Variants in PCDH11Y observed in about 807,000 individuals in gnomAD.
PCDH11Y encodes the protein protocadherin 11 Y-linked, also known as protocadherin-11 Y-linked.
For missense variants in PCDH11Y, 12 were observed against 224.8 expected (o/e 0.05, Z 6.05); for synonymous variants, 9 against 83.6 (o/e 0.11, Z 4.87).
downstream of PCDH11Y, among the ~76,000 whole-genome samples, chrY:5,108,818 G>C (rs2052800004): frequency 3.6e-5 from 1 of 28,129 alleles, no homozygotes; most frequent in Non-Finnish European, 8.4e-5. Context: ...ATTTTTAGAA[G>C]TTGAGTTTAT....
chrY:5,443,989 G>A, intron 2 of PCDH11Y, among the ~76,000 whole-genome samples: 2 of 32,793 alleles, frequency 6.1e-5, no homozygotes, highest in Non-Finnish European at 1.5e-4. Flanking sequence ...GGGGAAGTAA[G>A]GATGGTTAAT....
At chrY:5,164,321 G>A in intron 2 of PCDH11Y, among the ~76,000 whole-genome samples, 1 of 32,027 alleles carries the variant, frequency 3.1e-5, no homozygotes, top group Non-Finnish European at 7.7e-5. Flanking sequence ...GAGCCACTGC[G>A]CCTGGTCAGA....
intron 1 of PCDH11Y, among the ~76,000 whole-genome samples, chrY:5,080,662 G>A: frequency 9.6e-5 from 3 of 31,245 alleles, no homozygotes; most frequent in Admixed American, 2.9e-4. Context: ...TTTTCTGGTC[G>A]CATGTATATC....
At chrY:5,119,858 T>C in intron 2 of PCDH11Y, among the ~76,000 whole-genome samples, 2 of 31,828 alleles carry the variant, frequency 6.3e-5, no homozygotes, top group East Asian at 1.6e-3. Flanking sequence ...GTTCATCATT[T>C]ATTTAGGAAG....
chrY:5,563,467 C>T, intron 3 of PCDH11Y, among the ~76,000 whole-genome samples: 2 of 32,907 alleles, frequency 6.1e-5, no homozygotes, highest in African/African-American at 2.4e-4. Flanking sequence ...ATCAATATTG[C>T]ATATATTGAA....
intron 2 of PCDH11Y, among the ~76,000 whole-genome samples, chrY:5,369,981 C>T: frequency 3.0e-5 from 1 of 33,058 alleles, no homozygotes; most frequent in East Asian, 8.0e-4. Context: ...GGTTAATAGG[C>T]TTGTCTTTCA....
chrY:5,353,757 T>C, intron 2 of PCDH11Y, among the ~76,000 whole-genome samples: 1 of 32,353 alleles, frequency 3.1e-5, no homozygotes, highest in Admixed American at 2.9e-4. Flanking sequence ...CCCAGCACTT[T>C]GGGAGGCCGA....
chrY:5,244,768 G>C, intron 2 of PCDH11Y, among the ~76,000 whole-genome samples: 1 of 34,172 alleles, frequency 2.9e-5, no homozygotes, highest in South Asian at 6.5e-4. Context: ...CATCACAGCT[G>C]CTGCTGTCTG....
chrY:5,457,779 T>C, intron 2 of PCDH11Y, among the ~76,000 whole-genome samples: 1 of 33,521 alleles, frequency 3.0e-5, no homozygotes, highest in African/African-American at 1.2e-4. Flanking sequence ...AATTATCTAG[T>C]GGAAATTTTC....
At chrY:5,128,263 T>C in intron 2 of PCDH11Y, among the ~76,000 whole-genome samples, 1 of 33,893 alleles carries the variant, frequency 3.0e-5, no homozygotes, top group Non-Finnish European at 7.3e-5. Context: ...ACTAAAGATA[T>C]GTAGAGGTAA....
intron 4 of PCDH11Y, among the ~76,000 whole-genome samples, chrY:5,656,440 AT>A (rs1219341715): frequency 3.4e-3 from 83 of 24,130 alleles, no homozygotes; most frequent in African/African-American, 9.6e-3. Flanking sequence ...CCGTTTGTCC[AT>A]TTTTTTTTTT....
intron 2 of PCDH11Y, among the ~76,000 whole-genome samples, chrY:5,228,126 T>C: frequency 4.1e-5 from 1 of 24,536 alleles, no homozygotes; most frequent in African/African-American, 1.6e-4. Flanking sequence ...ATTGATCTGT[T>C]CAGATTTTGG....
At chrY:5,640,912 T>A in intron 4 of PCDH11Y, among the ~76,000 whole-genome samples, 1 of 31,269 alleles carries the variant, frequency 3.2e-5, no homozygotes, top group Non-Finnish European at 7.8e-5. Flanking sequence ...TATGGCTGCT[T>A]CATCTACATT....
chrY:5,115,386 T>C, intron 2 of PCDH11Y, among the ~76,000 whole-genome samples: 1 of 30,838 alleles, frequency 3.2e-5, no homozygotes, highest in Non-Finnish European at 7.6e-5. Flanking sequence ...ACGACTATGG[T>C]TTGGATGTGT....
chrY:5,547,718 T>C, intron 3 of PCDH11Y, among the ~76,000 whole-genome samples: 7 of 32,543 alleles, frequency 2.2e-4, no homozygotes. Flanking sequence ...ACTGGTCACC[T>C]AGGTCGGAGT....
intron 2 of PCDH11Y, among the ~76,000 whole-genome samples, chrY:5,115,476 C>G (rs2052808107): frequency 3.2e-5 from 1 of 30,980 alleles, no homozygotes; most frequent in Admixed American, 3.1e-4. Flanking sequence ...TCTCTCCGCC[C>G]CTCTGCTGAA....
At chrY:5,238,072 C>G in intron 2 of PCDH11Y, among the ~76,000 whole-genome samples, 1 of 33,243 alleles carries the variant, frequency 3.0e-5, no homozygotes, top group East Asian at 8.1e-4. Context: ...GAAAAAACTA[C>G]TTTAAAGTTC....
intron 2 of PCDH11Y, among the ~76,000 whole-genome samples, chrY:5,147,839 T>C (rs2052859271): frequency 3.0e-5 from 1 of 32,950 alleles, no homozygotes; most frequent in African/African-American, 1.2e-4. Flanking sequence ...AGGGCTGTAA[T>C]CCAAGGAATG....
chrY:5,724,115 T>G, intron 4 of PCDH11Y, among the ~76,000 whole-genome samples: 1 of 33,636 alleles, frequency 3.0e-5, no homozygotes, highest in Non-Finnish European at 7.5e-5. Flanking sequence ...CTAGCCCAAC[T>G]AGAACCAGCA....
Sources: gnomAD v4.1 joint callset for allele counts (sites outside exome capture counted in the v4.1 genomes callset) on GRCh38, gnomAD v4.1.1 for gene constraint, MANE v1.5 for transcripts, NCBI Gene and HGNC (gene_info 2026-07-23, HGNC 2026-07-21) for gene names.